Variants in EGFLAM observed in about 807,000 individuals in gnomAD.
EGFLAM encodes EGF like, fibronectin type III and laminin G domains, also known as pikachurin.
EGFLAM carries 79 observed loss-of-function variants against 113.1 expected under a neutral mutation model. That is an observed-to-expected ratio of 0.70 (90% confidence interval 0.58 to 0.84). EGFLAM has a LOEUF of 0.84. EGFLAM is among the 40% of genes least tolerant of loss of function. EGFLAM has a pLI of 0.00. For synonymous variants in EGFLAM, 504 were observed against 487.6 expected (o/e 1.03, Z -0.44); for missense variants, 1,265 against 1,291.6 (o/e 0.98, Z 0.32).
At chr5:38,425,418 C>T (rs2961893) in intron 13 of EGFLAM, among the ~76,000 whole-genome samples, 12,416 of 152,220 alleles carry the variant, frequency 0.082, 1,591 homozygotes, top group African/African-American at 0.27. Flanking sequence ...CCACCCGCCT[C>T]GGCCTCCCAA....
At chr5:38,451,993 A>C (rs1270405603) in intron 19 of EGFLAM, among the ~76,000 whole-genome samples, 89 of 126,672 alleles carry the variant, frequency 7.0e-4, no homozygotes, top group Admixed American at 1.0e-3. Flanking sequence ...CTCCATCTCA[A>C]AAAAAAAAAA....
chr5:38,441,075 G>A lies in EGFLAM; in HGVS notation c.2464+2620G>A, dbSNP rs543989333. On this transcript the variant is annotated intron_variant, in intron 17 of 21. Coordinates refer to ENST00000322350, the MANE Select transcript of EGFLAM (RefSeq NM_152403.4). ...GCCCCCGCTTTTCCCTGTGGGGTTGGGGGCAGGAGCAAGAGAGCCTGACCC... is the reference window on the plus strand; with the variant it reads ...GCCCCCGCTTTTCCCTGTGGGGTTGAGGGCAGGAGCAAGAGAGCCTGACCC... Among the ~76,000 whole-genome samples, 78 of 152,250 alleles carry A rather than the reference G, an allele frequency of 5.1e-4. 1 individual carries two copies. The South Asian group carries it at 0.015, about 30-fold the overall frequency.
intron 11 of EGFLAM, among the ~76,000 whole-genome samples, chr5:38,415,717 A>T (rs1052012826): frequency 6.6e-6 from 1 of 152,176 alleles, no homozygotes; most frequent in African/African-American, 2.4e-5. Flanking sequence ...ATGAAGAAAC[A>T]CCTGAGACTG....
intron 6 of EGFLAM, among the ~76,000 whole-genome samples, chr5:38,375,107 C>G (rs1202831643): frequency 8.1e-6 from 1 of 122,942 alleles, no homozygotes; most frequent in East Asian, 2.4e-4. Flanking sequence ...TAGTTTAAGT[C>G]CCATTTGTCT....
Position 38,403,649 on chromosome 5 carries a change from A to C in EGFLAM, c.713-2477A>C. 8 of 902,846 alleles carry C rather than the reference A, an allele frequency of 8.9e-6. 1 individual carries two copies. In the South Asian group the frequency reaches 1.2e-4, roughly 14 times the overall value. The allele number at this position is 902,846 out of a possible 1,614,324, so 55.9% of individuals were successfully genotyped here. On this transcript the variant is annotated intron_variant, in intron 6 of 21. Coordinates refer to ENST00000322350, the MANE Select transcript of EGFLAM (RefSeq NM_152403.4). ...GCAGGATGGAGCAGGGCAGTGTGCT[A>C]TTTCATCGTGCTACTCAGAACTTAT...
chr5:38,460,116 A>C (rs1418939667), intron 20 of EGFLAM, among the ~76,000 whole-genome samples: 2 of 152,232 alleles, frequency 1.3e-5, no homozygotes, highest in African/African-American at 2.4e-5. Flanking sequence ...CATCCAAAGG[A>C]ATATGAAATG....
intron 16 of EGFLAM, 59 bp downstream of exon 16, chr5:38,435,312 A>G: frequency 7.7e-7 from 1 of 1,293,152 alleles, no homozygotes; most frequent in Non-Finnish European, 1.1e-6. Flanking sequence ...AAAGAAAGTG[A>G]GGATTATGAT....
intron 1 of EGFLAM, among the ~76,000 whole-genome samples, chr5:38,332,385 G>C (rs1010364902): frequency 6.6e-6 from 1 of 151,984 alleles, no homozygotes; most frequent in African/African-American, 2.4e-5. Flanking sequence ...CCTGACCCAG[G>C]TATTAAGCCC....
intron 1 of EGFLAM, chr5:38,305,617 G>T: frequency 4.0e-6 from 1 of 250,530 alleles, no homozygotes; most frequent in Non-Finnish European, 8.3e-6. Context: ...AACTGGAACA[G>T]GTCAGTAGGC....
intron 6 of EGFLAM, among the ~76,000 whole-genome samples, chr5:38,374,686 A>C (rs1204958151): frequency 6.6e-6 from 1 of 152,224 alleles, no homozygotes; most frequent in Admixed American, 6.5e-5. Flanking sequence ...CTAGTTTGTT[A>C]GTCCTACAAA....
rs1416621967 is a variant in EGFLAM, at chr5:38,438,395, A to G, written c.2404A>G (p.Arg802Gly). 1 of 1,613,868 alleles carries G rather than the reference A, an allele frequency of 6.2e-7. No individual in the cohort carries two copies. Among genetic ancestry groups the G allele is most frequent in the Non-Finnish European group, 8.5e-7 (1 of 1,179,936 alleles). The change falls in exon 17 of 22, where the codon AGG becomes GGG. Residue 802 changes from arginine to glycine, a missense_variant. Coordinates refer to ENST00000322350, the MANE Select transcript of EGFLAM (RefSeq NM_152403.4). ...TGCCCATGGGGGCAGCTGCCGGCCC[A>G]GGAAGGAGGGCTATGACTGTGACTG... ...PCAHGGSCRP[R>G]KEGYDCDCPL...
chr5:38,347,154 G>A (rs1739493486), intron 3 of EGFLAM, among the ~76,000 whole-genome samples: 1 of 152,198 alleles, frequency 6.6e-6, no homozygotes, highest in Non-Finnish European at 1.5e-5. Context: ...CAGGAGTACT[G>A]ATGCTGTGAG....
At chr5:38,429,727 G>C (rs1025652301) in intron 14 of EGFLAM, among the ~76,000 whole-genome samples, 1 of 151,962 alleles carries the variant, frequency 6.6e-6, no homozygotes, top group Admixed American at 6.6e-5. Context: ...CAAACATATA[G>C]AAAAATTGGA....
At chr5:38,316,889 A>G (rs957738843) in intron 1 of EGFLAM, among the ~76,000 whole-genome samples, 1 of 152,174 alleles carries the variant, frequency 6.6e-6, no homozygotes, top group African/African-American at 2.4e-5. Flanking sequence ...AATGATAGCA[A>G]GAGACTTGCT....
chr5:38,408,011 C>A, intron 9 of EGFLAM, 106 bp downstream of exon 9: 1 of 806,858 alleles, frequency 1.2e-6, no homozygotes, highest in Non-Finnish European at 2.0e-6. Flanking sequence ...GGGAGAGCGA[C>A]GAAAGGTAAA....
chr5:38,346,361 A>T lies in EGFLAM; in HGVS notation c.292-4140A>T, dbSNP rs538669723. 3 of 152,282 alleles carry T rather than the reference A, an allele frequency of 2.0e-5. No homozygotes were observed. The East Asian group carries it at 5.8e-4, about 29-fold the overall frequency. The allele number at this position is 152,282 out of a possible 1,614,324, so 9.4% of individuals were successfully genotyped here. The stretch of plus-strand genomic sequence containing the variant: ...TTTTGTACATGTACTGGCCAATTAG[A>T]ACTTGGGCATTGGTGTCAAACGGAG... On this transcript the variant is annotated intron_variant, in intron 3 of 21. Transcript: ENST00000322350.
At chr5:38,421,618 A>C (rs1741826640) in intron 12 of EGFLAM, among the ~76,000 whole-genome samples, 1 of 152,238 alleles carries the variant, frequency 6.6e-6, no homozygotes, top group Non-Finnish European at 1.5e-5. Flanking sequence ...TATAGTTGCC[A>C]TGTGGAGAGA....
At chr5:38,301,477 G>A (rs930464272) in intron 1 of EGFLAM, among the ~76,000 whole-genome samples, 1 of 152,072 alleles carries the variant, frequency 6.6e-6, no homozygotes, top group Non-Finnish European at 1.5e-5. Flanking sequence ...AAATGGGAGG[G>A]GAGGAATCGG....
rs1194736949 is a variant in EGFLAM at position 38,289,546 on chromosome 5, C to A, written c.97+30695C>A. Among the ~76,000 whole-genome samples the A allele has an allele frequency of 2.6e-5, 4 of 152,294 alleles. No individual in the cohort carries two copies. The East Asian group carries it at 7.7e-4, about 29-fold the overall frequency. ...CAAGCTCCACTACTTAGAATTTTGT[C>A]AGTTTCTGATAGAGGAGGAAAGTGG... On this transcript the variant is annotated intron_variant, in intron 1 of 21. Transcript: ENST00000322350.
Sources: allele counts gnomAD v4.1 joint callset (sites outside exome capture counted in the v4.1 genomes callset), GRCh38; gene constraint gnomAD v4.1.1; transcripts MANE v1.5; gene names NCBI Gene and HGNC (gene_info 2026-07-23, HGNC 2026-07-21).